The following ATXN1 variants were observed in gnomAD, a reference collection of about 807,000 sequenced individuals.
ATXN1 encodes the protein ataxin 1.
In ATXN1, 8 loss-of-function variants were observed where a neutral mutation model predicts 56.4. That is an observed-to-expected ratio of 0.14 (90% CI 0.08 to 0.26). The LOEUF (loss-of-function observed/expected upper bound fraction) is 0.26, where lower values mean the gene tolerates loss of function less well. Ranked by LOEUF, ATXN1 falls within the 10% of genes least tolerant of loss-of-function variation. The pLI, the probability that ATXN1 is intolerant of heterozygous loss-of-function variation, is 1.00. For synonymous variants in ATXN1, 514 were observed against 494.6 expected, an observed-to-expected ratio of 1.04 and a Z score of -0.52; for missense variants, 987 against 1,106.5, an observed-to-expected ratio of 0.89 and a Z score of 1.53.
chr6:16,660,268 A>G (rs1327170094), intron 2 of ATXN1, among the ~76,000 whole-genome samples: 1 of 152,248 alleles, frequency 6.6e-6, no homozygotes, highest in African/African-American at 2.4e-5. Flanking sequence ...TCATAAGCAA[A>G]GATAAGGCCA....
At chr6:16,577,881 C>A (rs1014624068) in intron 4 of ATXN1, among the ~76,000 whole-genome samples, 1 of 152,206 alleles carries the variant, frequency 6.6e-6, no homozygotes, top group Non-Finnish European at 1.5e-5. Context: ...CATCACAATA[C>A]CCCTGTGAGA....
chr6:16,424,735 G>A (rs934709095), intron 6 of ATXN1, among the ~76,000 whole-genome samples: 2 of 152,194 alleles, frequency 1.3e-5, no homozygotes, highest in African/African-American at 4.8e-5. Flanking sequence ...GAGGAGTCAG[G>A]GTGAAGACAG....
intron 2 of ATXN1, among the ~76,000 whole-genome samples, chr6:16,664,043 C>G (rs1377553385): frequency 2.0e-5 from 3 of 152,104 alleles, no homozygotes; most frequent in Non-Finnish European, 4.4e-5. Context: ...GTATTTTTTG[C>G]CATTTAAAAA....
chr6:16,324,848 C>G (rs949376043), intron 7 of ATXN1, among the ~76,000 whole-genome samples: 2 of 152,190 alleles, frequency 1.3e-5, no homozygotes, highest in African/African-American at 4.8e-5. Flanking sequence ...CCAAGCCCAG[C>G]AGGTCACCTG....
At chr6:16,316,991 C>T (rs973261652) in intron 7 of ATXN1, among the ~76,000 whole-genome samples, 5 of 150,518 alleles carry the variant, frequency 3.3e-5, no homozygotes, top group East Asian at 2.0e-4. Context: ...GCTTTCTCAG[C>T]GGAGCCATAG....
chr6:16,571,549 T>C (rs1002014338), intron 4 of ATXN1, among the ~76,000 whole-genome samples: 6 of 152,174 alleles, frequency 3.9e-5, no homozygotes, highest in South Asian at 2.1e-4. Flanking sequence ...TGGTGTGCAG[T>C]GGTGCAATCA....
At chr6:16,503,695 C>T (rs1042686620) in intron 5 of ATXN1, among the ~76,000 whole-genome samples, 2 of 152,076 alleles carry the variant, frequency 1.3e-5, no homozygotes, top group African/African-American at 4.8e-5. Flanking sequence ...ACAGTGGCTT[C>T]ATAAATATTT....
At chr6:16,343,219 C>G (rs1042831266) in intron 6 of ATXN1, among the ~76,000 whole-genome samples, 5 of 151,966 alleles carry the variant, frequency 3.3e-5, no homozygotes, top group Non-Finnish European at 7.4e-5. Flanking sequence ...GTGGTGGGCA[C>G]GTGTAGTCCC....
intron 3 of ATXN1, among the ~76,000 whole-genome samples, chr6:16,653,197 C>A (rs953089194): frequency 2.6e-5 from 4 of 152,118 alleles, no homozygotes; most frequent in African/African-American, 4.8e-5. Context: ...AGGAGGTGCA[C>A]CAGAAGCAGC....
intron 4 of ATXN1, among the ~76,000 whole-genome samples, chr6:16,553,194 C>T (rs1284713515): frequency 6.6e-6 from 1 of 152,222 alleles, no homozygotes; most frequent in African/African-American, 2.4e-5. Flanking sequence ...CACTGACAGC[C>T]AAGCATACAT....
intron 3 of ATXN1, among the ~76,000 whole-genome samples, chr6:16,603,520 A>T (rs1350877653): frequency 6.6e-6 from 1 of 152,226 alleles, no homozygotes; most frequent in African/African-American, 2.4e-5. Context: ...CCATAAGGAA[A>T]GGCAGGTTTT....
At chr6:16,559,835 T>A (rs1762082732) in intron 4 of ATXN1, among the ~76,000 whole-genome samples, 1 of 152,054 alleles carries the variant, frequency 6.6e-6, no homozygotes, top group South Asian at 2.1e-4. Flanking sequence ...TTGGATAGCT[T>A]TGTTATTTTT....
intron 4 of ATXN1, among the ~76,000 whole-genome samples, chr6:16,579,788 G>A (rs1337012049): frequency 6.6e-6 from 1 of 152,064 alleles, no homozygotes; most frequent in East Asian, 1.9e-4. Context: ...TGCCAGGCCA[G>A]GCAATGTTCT....
chr6:16,671,461 G>C (rs1561802048), intron 2 of ATXN1, among the ~76,000 whole-genome samples: 1 of 152,112 alleles, frequency 6.6e-6, no homozygotes, highest in Non-Finnish European at 1.5e-5. Context: ...TGGGAATTTT[G>C]AACTCTAAGT....
chr6:16,655,179 G>A (rs1758169853), intron 3 of ATXN1, among the ~76,000 whole-genome samples: 1 of 152,118 alleles, frequency 6.6e-6, no homozygotes, highest in African/African-American at 2.4e-5. Flanking sequence ...ATCCCCTAAA[G>A]AAAAACAAAG....
intron 6 of ATXN1, among the ~76,000 whole-genome samples, chr6:16,357,715 T>A (rs1479353580): frequency 6.6e-6 from 1 of 152,110 alleles, no homozygotes; most frequent in Non-Finnish European, 1.5e-5. Context: ...TAGACTCAGG[T>A]AGCGACAATA....
Position 16,373,712 on chromosome 6 carries a change from T to C in ATXN1, c.-160-45242A>G, listed in dbSNP as rs116845946. On this transcript the variant is annotated intron_variant, in intron 6 of 7. Coordinates refer to ENST00000436367, the MANE Select transcript of ATXN1 (RefSeq NM_001128164.2). ...TTTCCCCTTTTGATTGCCTCTCATTTTCTCTTGCCTGCTGCCATGTAAGAC... is the reference window on the plus strand; with the variant it reads ...TTTCCCCTTTTGATTGCCTCTCATTCTCTCTTGCCTGCTGCCATGTAAGAC... 1.3e-4 allele frequency among the ~76,000 whole-genome samples: 20 copies of C among 152,372 alleles called. No individual in the cohort carries two copies. The East Asian group carries it at 1.9e-3, about 15-fold the overall frequency.
At chr6:16,348,191 G>A (rs964349834) in intron 6 of ATXN1, among the ~76,000 whole-genome samples, 2 of 152,120 alleles carry the variant, frequency 1.3e-5, no homozygotes, top group Non-Finnish European at 2.9e-5. Context: ...AGCTTCCTTA[G>A]TAGCTGGGAT....
At chr6:16,646,964 C>T (rs776716823) in intron 3 of ATXN1, among the ~76,000 whole-genome samples, 4 of 152,084 alleles carry the variant, frequency 2.6e-5, no homozygotes, top group South Asian at 2.1e-4. Flanking sequence ...GAAAGCTTTA[C>T]GTGCATCAAG....
Sources: gnomAD v4.1 joint callset for allele counts (sites outside exome capture counted in the v4.1 genomes callset) on GRCh38, gnomAD v4.1.1 for gene constraint, MANE v1.5 for transcripts, NCBI Gene and HGNC (gene_info 2026-07-23, HGNC 2026-07-21) for gene names.